The following JHY variants were observed in gnomAD, a reference collection of about 807,000 sequenced individuals.
JHY encodes the protein junctional cadherin complex regulator.
In JHY, 69 loss-of-function variants were observed where a neutral mutation model predicts 78.0. The observed-to-expected ratio is 0.88, with a 90% confidence interval of 0.73 to 1.08. The LOEUF (loss-of-function observed/expected upper bound fraction) is 1.08, where lower values mean the gene tolerates loss of function less well. Ranked by LOEUF, JHY falls within the 50% of genes least tolerant of loss-of-function variation. The pLI, the probability that JHY is intolerant of heterozygous loss-of-function variation, is 0.00. For synonymous variants in JHY, 368 were observed against 342.6 expected (o/e 1.07, Z -0.82); for missense variants, 944 against 927.8 (o/e 1.02, Z -0.23).
intron 5 of JHY, 149 bp from the exon 6 acceptor site, chr11:122,946,349 G>A: frequency 1.3e-6 from 1 of 759,044 alleles, no homozygotes; most frequent in Non-Finnish European, 2.0e-6. Context: ...AGAAATTAAT[G>A]TATTCATGAA....
At chr11:122,931,950 C>T (rs1428977194) in intron 4 of JHY, among the ~76,000 whole-genome samples, 1 of 152,128 alleles carries the variant, frequency 6.6e-6, no homozygotes, top group African/African-American at 2.4e-5. Context: ...TTCCCCCATG[C>T]TAACACTCCG....
At position 122,885,842 on chromosome 11, in the gene JHY, T is replaced by G. The variant is rs749280387; in HGVS notation, c.-8T>G. On this transcript the variant is annotated 5_prime_UTR_variant, in exon 2 of 9. In the 5' UTR this introduces an upstream ATG that the reference lacks. Transcript: ENST00000227349. ...AGTATCCCCTGTTAATTTTTTGCAT[T>G]TTTCAAGATGAGTAAACGTAAACTA... 6.9e-6 allele frequency: 11 copies of G among 1,591,260 alleles called. No individual in the cohort carries two copies. In the South Asian group the frequency reaches 1.1e-4, roughly 16 times the overall value.
chr11:122,955,916 C>G (rs1227988645), intron 6 of JHY, among the ~76,000 whole-genome samples: 1 of 152,060 alleles, frequency 6.6e-6, no homozygotes, highest in Non-Finnish European at 1.5e-5. Context: ...ATACCTTCTT[C>G]CAGGGAAGTC....
chr11:122,889,758 AGTTT>A (rs1050735358), intron 2 of JHY, among the ~76,000 whole-genome samples: 3 of 152,078 alleles, frequency 2.0e-5, no homozygotes, highest in African/African-American at 4.8e-5. Flanking sequence ...GGATGTTCCC[AGTTT>A]GTTTGTTTGT....
At chr11:122,928,544 A>T in intron 4 of JHY, among the ~76,000 whole-genome samples, 1 of 143,072 alleles carries the variant, frequency 7.0e-6, no homozygotes. Flanking sequence ...CTGGCCCAAA[A>T]GATACGGGGA....
intron 2 of JHY, among the ~76,000 whole-genome samples, chr11:122,899,276 GT>G (rs1177664239): frequency 6.6e-6 from 1 of 152,118 alleles, no homozygotes; most frequent in Non-Finnish European, 1.5e-5. Context: ...GTTAAATTCA[GT>G]TTTTTTCTTT....
rs1318011355 is a variant in JHY, at chr11:122,934,604, A to C, written c.1163A>C (p.Gln388Pro). Residue 388 changes from glutamine to proline, a missense_variant, in exon 5 of 9, where the codon CAG (glutamine) becomes CCG (proline). Transcript: ENST00000227349. The part of the protein sequence containing the change: ...SSTTEEVTAS[Q>P]GNQNNPPRQQ... ...ACAACGGAAGAGGTGACTGCCAGTCAGGGGAACCAGAATAACCCTCCCAGG... is the reference window on the plus strand; with the variant it reads ...ACAACGGAAGAGGTGACTGCCAGTCCGGGGAACCAGAATAACCCTCCCAGG... The C allele has an allele frequency of 1.9e-6, 3 of 1,614,150 alleles. No individual in the cohort carries two copies. The highest frequency in any genetic ancestry group is 2.5e-6 in the Non-Finnish European group (3 of 1,180,032).
Position 122,904,061 on chromosome 11 carries a change from G to T in JHY, c.481G>T (p.Ala161Ser). 6.2e-7 allele frequency: 1 copy of T among 1,614,116 alleles called. No individual in the cohort carries two copies. Among genetic ancestry groups the T allele is most frequent in the Non-Finnish European group, 8.5e-7 (1 of 1,180,024 alleles). ...TDSSLENLPL[A>S]PLYPSQETSM... ...CAGCTCTTTAGAAAATCTGCCTTTG[G>T]CTCCCCTCTACCCTTCCCAGGAGAC... is the stretch of plus-strand genomic sequence containing the variant. Residue 161 changes from alanine (A) to serine (S), a missense_variant, in exon 3 of 9, where the codon GCT (alanine) becomes TCT (serine). By Grantham distance (99) the Ala-to-Ser change is moderately conservative. Coordinates refer to ENST00000227349, the MANE Select transcript of JHY (RefSeq NM_024806.4).
intron 2 of JHY, among the ~76,000 whole-genome samples, chr11:122,888,754 A>G (rs1453793569): frequency 6.6e-6 from 1 of 152,028 alleles, no homozygotes; most frequent in Non-Finnish European, 1.5e-5. Flanking sequence ...CATCCTTCTC[A>G]CCAGTCTTCC....
intron 4 of JHY, among the ~76,000 whole-genome samples, chr11:122,927,894 C>T (rs948901909): frequency 1.4e-4 from 22 of 152,096 alleles, no homozygotes; most frequent in Non-Finnish European, 3.1e-4. Flanking sequence ...CCACGCCCAG[C>T]TAATTTTTGT....
At chr11:122,907,029 G>A (rs748628152) in intron 3 of JHY, among the ~76,000 whole-genome samples, 1 of 151,946 alleles carries the variant, frequency 6.6e-6, no homozygotes, top group Non-Finnish European at 1.5e-5. Context: ...TGTTGCTGGA[G>A]TGTAGTTGCT....
At chr11:122,889,519 T>C (rs906720138) in intron 2 of JHY, among the ~76,000 whole-genome samples, 25 of 152,300 alleles carry the variant, frequency 1.6e-4, no homozygotes, top group African/African-American at 5.3e-4. Flanking sequence ...TAATTTAAAA[T>C]ATATAGGAGG....
chr11:122,897,418 C>T (rs574241726), intron 2 of JHY, among the ~76,000 whole-genome samples: 15 of 152,002 alleles, frequency 9.9e-5, no homozygotes, highest in Admixed American at 2.0e-4. Context: ...TTTGTAGAGA[C>T]GAGGGGTTTC....
At chr11:122,892,088 C>T (rs1862628249) in intron 2 of JHY, among the ~76,000 whole-genome samples, 1 of 152,012 alleles carries the variant, frequency 6.6e-6, no homozygotes, top group Non-Finnish European at 1.5e-5. Flanking sequence ...TCATAGTAGC[C>T]ATTATTCTTC....
At chr11:122,927,500 G>A (rs1863532747) in intron 4 of JHY, among the ~76,000 whole-genome samples, 1 of 152,156 alleles carries the variant, frequency 6.6e-6, no homozygotes, top group African/African-American at 2.4e-5. Context: ...CTGGGACACA[G>A]ACACTTTAGG....
At chr11:122,919,681 T>C (rs1307379867) in intron 3 of JHY, among the ~76,000 whole-genome samples, 1 of 151,922 alleles carries the variant, frequency 6.6e-6, no homozygotes, top group Admixed American at 6.6e-5. Context: ...GAAAAAAATA[T>C]ATTCAAAAGT....
intron 5 of JHY, among the ~76,000 whole-genome samples, chr11:122,939,326 A>T (rs1300508955): frequency 3.3e-5 from 5 of 152,068 alleles, no homozygotes; most frequent in Non-Finnish European, 5.9e-5. Flanking sequence ...AATCTTTTTT[A>T]AGTAACTCTC....
Position 122,922,557 on chromosome 11 carries a change from A to G in JHY, c.865-2340A>G, listed in dbSNP as rs1392319501. ...CTGGGCACGGTGGCTCACGCCTGTA[A>G]TCCCAGCACTTTGGAGGCCGAGGTG... On this transcript the variant is annotated intron_variant, in intron 3 of 8. Transcript: ENST00000227349. 2.0e-5 allele frequency among the ~76,000 whole-genome samples: 3 copies of G among 152,256 alleles called. No homozygotes were observed. The East Asian group carries it at 5.8e-4, about 29-fold the overall frequency.
chr11:122,907,615 CG>C (rs1565314510), intron 3 of JHY, among the ~76,000 whole-genome samples: 1 of 151,948 alleles, frequency 6.6e-6, no homozygotes, highest in Non-Finnish European at 1.5e-5. Context: ...GAGGCCAAGG[CG>C]GGCAGATCCC....
Sources: gnomAD v4.1 joint callset for allele counts (sites outside exome capture counted in the v4.1 genomes callset) on GRCh38, gnomAD v4.1.1 for gene constraint, MANE v1.5 for transcripts, NCBI Gene and HGNC (gene_info 2026-07-23, HGNC 2026-07-21) for gene names.